The following KATNIP variants were observed in gnomAD, a reference collection of about 807,000 sequenced individuals.
KATNIP encodes katanin interacting protein.
Under a neutral mutation model 174.0 loss-of-function variants are expected in KATNIP, and 126 were observed. That is an observed-to-expected ratio of 0.72 (90% CI 0.63 to 0.84). The LOEUF (loss-of-function observed/expected upper bound fraction) is 0.84. KATNIP is among the 40% of genes least tolerant of loss of function. The probability of loss-of-function intolerance (pLI) is 0.00; values close to 1 mark genes in which losing one functional copy is unlikely to be tolerated. For missense variants in KATNIP, 1,958 were observed against 2,109.7 expected (o/e 0.93, Z 1.41); for synonymous variants, 810 against 835.7 (o/e 0.97, Z 0.53).
At chr16:27,769,788 G>A (rs943796842) in intron 20 of KATNIP, 73 bp from the exon 21 acceptor site, 52 of 1,554,200 alleles carry the variant, frequency 3.3e-5, no homozygotes, top group Admixed American at 1.7e-4. Flanking sequence ...CAGCAGCTCC[G>A]GTCACGTCAG....
intron 19 of KATNIP, among the ~76,000 whole-genome samples, chr16:27,763,174 G>C (rs1273637768): frequency 1.3e-5 from 2 of 151,002 alleles, no homozygotes; most frequent in Non-Finnish European, 2.9e-5. Context: ...AATTAGCCAG[G>C]CACTGTGGCA....
chr16:27,665,030 G>A (rs955589563), intron 6 of KATNIP, among the ~76,000 whole-genome samples: 8 of 152,070 alleles, frequency 5.3e-5, no homozygotes, highest in Admixed American at 1.3e-4. Flanking sequence ...GCATCTGCAC[G>A]CTTGTGTCTT....
At chr16:27,702,221 T>C (rs544633417) in intron 11 of KATNIP, among the ~76,000 whole-genome samples, 1 of 152,074 alleles carries the variant, frequency 6.6e-6, no homozygotes, top group South Asian at 2.1e-4. Flanking sequence ...ACTTGAACCT[T>C]CTCCAGGTTT....
chr16:27,748,606 A>G (rs1264453434), intron 15 of KATNIP, among the ~76,000 whole-genome samples: 1 of 151,798 alleles, frequency 6.6e-6, no homozygotes, highest in African/African-American at 2.4e-5. Context: ...ATAAACAAAT[A>G]GCATTTTTTT....
intron 8 of KATNIP, among the ~76,000 whole-genome samples, chr16:27,682,290 A>G (rs1203916602): frequency 6.6e-6 from 1 of 152,214 alleles, no homozygotes; most frequent in Non-Finnish European, 1.5e-5. Context: ...TACTTCTACC[A>G]TCTCACATAA....
chr16:27,600,752 G>T (rs868184637), intron 2 of KATNIP, among the ~76,000 whole-genome samples: 4 of 148,808 alleles, frequency 2.7e-5, no homozygotes, highest in African/African-American at 7.4e-5. Context: ...TTTTTTAGAC[G>T]GAGTTTTAAT....
At chr16:27,659,600 A>C (rs1481713065) in intron 6 of KATNIP, among the ~76,000 whole-genome samples, 1 of 152,210 alleles carries the variant, frequency 6.6e-6, no homozygotes, top group African/African-American at 2.4e-5. Flanking sequence ...ATGAAAATAA[A>C]TATGTACCCA....
chr16:27,698,791 G>A (rs548326946), intron 9 of KATNIP, among the ~76,000 whole-genome samples: 3 of 152,340 alleles, frequency 2.0e-5, no homozygotes, highest in South Asian at 2.1e-4. Flanking sequence ...TTAGACCAGG[G>A]TTGCAAACTG....
rs753577326 is a variant in KATNIP at position 27,600,877 on chromosome 16, A to C, written c.64-17548A>C. On this transcript the variant is annotated intron_variant, in intron 2 of 27. Transcript: ENST00000261588. ...CCCGAGTACCTGGGATTACAGGCAC[A>C]CACCACCACGCCCAGCTAATTTTTT... is the stretch of plus-strand genomic sequence containing the variant. 2.6e-5 allele frequency among the ~76,000 whole-genome samples: 4 copies of C among 151,774 alleles called. No homozygotes were observed. The East Asian group carries it at 7.7e-4, about 29-fold the overall frequency.
chr16:27,659,538 A>G (rs2077402659), intron 6 of KATNIP, among the ~76,000 whole-genome samples: 1 of 152,040 alleles, frequency 6.6e-6, no homozygotes, highest in Admixed American at 6.6e-5. Flanking sequence ...TGAATTTTAG[A>G]TAAATAGAAA....
intron 11 of KATNIP, among the ~76,000 whole-genome samples, chr16:27,702,409 T>C (rs2079135900): frequency 6.6e-6 from 1 of 152,244 alleles, no homozygotes; most frequent in African/African-American, 2.4e-5. Flanking sequence ...TCAGGTTTTA[T>C]TATCAAAATA....
chr16:27,654,741 G>C (rs183106170), intron 6 of KATNIP: 3 of 1,352,024 alleles, frequency 2.2e-6, no homozygotes, highest in Non-Finnish European at 2.9e-6. Context: ...GTGATGGTAA[G>C]ATCAGTTTTC....
At position 27,699,399 on chromosome 16, in the gene KATNIP, G is replaced by A. The variant is rs548132731; in HGVS notation, c.1114-135G>A. On this transcript the variant is annotated intron_variant, in intron 9 of 27. Coordinates refer to ENST00000261588, the MANE Select transcript of KATNIP (RefSeq NM_015202.5). ...CTATTGTCTGTGTTCCCAGACCTCT[G>A]ACCTTGCCCCTGAACTTTATATCTA... is the stretch of plus-strand genomic sequence containing the variant. The A allele has an allele frequency of 1.2e-5, 17 of 1,453,802 alleles. No individual in the cohort carries two copies. In the East Asian group the frequency reaches 2.3e-4, roughly 19 times the overall value. 90.1% of individuals were successfully genotyped at this position (1,453,802 alleles called of 1,614,324 possible). A position where few individuals can be genotyped will look rare whatever the true frequency, so the allele number is the denominator to read the frequency against.
At chr16:27,553,567 C>T (rs1018876489) in intron 1 of KATNIP, among the ~76,000 whole-genome samples, 2 of 152,156 alleles carry the variant, frequency 1.3e-5, no homozygotes, top group African/African-American at 2.4e-5. Context: ...ATAGTCCCAC[C>T]GCTTTGGGAG....
rs1442196209 is a variant in KATNIP at position 27,740,822 on chromosome 16, A to G, written c.2525A>G (p.Asn842Ser). ...KVHSDDSDIF[N>S]QPPNRERPAS... Reference sequence around the variant, plus strand: ...CACAGTGATGACTCAGACATCTTTAACCAGCCCCCCAACAGAGAGCGCCCT... The same window carrying G: ...CACAGTGATGACTCAGACATCTTTAGCCAGCCCCCCAACAGAGAGCGCCCT... The change falls in exon 15 of 28, where the codon AAC becomes AGC. Residue 842 changes from asparagine (N) to serine (S), a missense_variant. Asn to Ser is a conservative substitution (Grantham distance 46, BLOSUM62 1). Around this residue, in one of 3 missense-constraint regions of KATNIP, gnomAD observed 1,557 missense variants for 1,617.8 expected, o/e 0.96. Transcript: ENST00000261588. 1 of 1,613,922 alleles carries G rather than the reference A, an allele frequency of 6.2e-7. No individual in the cohort carries two copies. The highest frequency in any genetic ancestry group is 2.2e-5 in the East Asian group (1 of 44,884).
chr16:27,649,218 G>A (rs558268037), intron 6 of KATNIP, among the ~76,000 whole-genome samples: 6 of 152,364 alleles, frequency 3.9e-5, no homozygotes, highest in East Asian at 1.9e-4. Flanking sequence ...CCCGCAGGGC[G>A]GCAGGAGCCA....
Position 27,637,011 on chromosome 16 carries a change from G to A in KATNIP, c.408+5849G>A, listed in dbSNP as rs2076656811. Among the ~76,000 whole-genome samples the A allele has an allele frequency of 6.6e-6, 1 of 152,282 alleles. No individual in the cohort carries two copies. The highest frequency in any genetic ancestry group is 6.5e-5 in the Admixed American group (1 of 15,294). ...GGCTCCGCCTCCTGCCAGCTGCACA[G>A]TGGCTAAGACGCTTAACCCCTTGGT... On this transcript the variant is annotated intron_variant, in intron 5 of 27. Transcript: ENST00000261588. The surrounding 1 kb of genome is among the most constrained non-coding windows in gnomAD (Gnocchi z 4.7).
At chr16:27,704,225 A>G (rs773422756) in intron 12 of KATNIP, among the ~76,000 whole-genome samples, 6 of 152,192 alleles carry the variant, frequency 3.9e-5, no homozygotes, top group Non-Finnish European at 8.8e-5. Context: ...CTGTCTGCAC[A>G]AGAGGAAATA....
chr16:27,775,130 G>T, intron 24 of KATNIP, 46 bp downstream of exon 24: 1 of 1,584,020 alleles, frequency 6.3e-7, no homozygotes, highest in Non-Finnish European at 8.5e-7. Flanking sequence ...CCTCAGGCGG[G>T]CAGGGGGACT....
Sources: gnomAD v4.1 joint callset for allele counts (sites outside exome capture counted in the v4.1 genomes callset) on GRCh38, gnomAD v4.1.1 for gene constraint, gnomAD v4.1.1 regional missense constraint, Gnocchi (gnomAD v3.1) non-coding constraint, MANE v1.5 for transcripts, NCBI Gene and HGNC (gene_info 2026-07-23, HGNC 2026-07-21) for gene names.